SGSM2: variants seen among roughly 807,000 people sequenced by gnomAD.
SGSM2 encodes small G protein signaling modulator 2.
SGSM2 carries 89 observed loss-of-function variants against 126.6 expected under a neutral mutation model. That is an observed-to-expected ratio of 0.70 (90% CI 0.59 to 0.84). The LOEUF is 0.84. SGSM2 is among the 40% of genes least tolerant of loss of function. The pLI is 0.00. For synonymous variants in SGSM2, 614 were observed against 574.3 expected (o/e 1.07, Z -0.99); for missense variants, 1,404 against 1,416.6 (o/e 0.99, Z 0.14).
At chr17:2,338,701 G>A (rs1236649663) in intron 1 of SGSM2, among the ~76,000 whole-genome samples, 1 of 151,176 alleles carries the variant, frequency 6.6e-6, no homozygotes, top group Non-Finnish European at 1.5e-5. Context: ...GAGGCCTGGT[G>A]TTTGGAAAGC....
At chr17:2,374,705 T>C (rs2066044698) in intron 17 of SGSM2, 1 of 152,284 alleles carries the variant, frequency 6.6e-6, no homozygotes, top group African/African-American at 2.4e-5. Flanking sequence ...TGTAAAAATC[T>C]GTCTGTGCCA....
At chr17:2,375,964 C>T (rs535789844) in intron 18 of SGSM2, 89 bp downstream of exon 18, 2 of 1,509,468 alleles carry the variant, frequency 1.3e-6, no homozygotes, top group Admixed American at 2.1e-5. Context: ...GGGTGGAAGG[C>T]GGGGCGCCCT....
At position 2,373,068 on chromosome 17, in the gene SGSM2, A is replaced by G. The variant is rs914661361; in HGVS notation, c.1904A>G (p.Lys635Arg). The G allele has an allele frequency of 1.9e-6, 3 of 1,609,946 alleles. No individual in the cohort carries two copies. Among genetic ancestry groups the G allele is most frequent in the African/African-American group, 2.7e-5 (2 of 74,304 alleles). Reference sequence around the variant, plus strand: ...CACTACAAGTTCGGCATGAGCAAGAAGGAGATGGAGCAGGTGAGGGGAGCC... The same window carrying G: ...CACTACAAGTTCGGCATGAGCAAGAGGGAGATGGAGCAGGTGAGGGGAGCC... ...LGHYKFGMSK[K>R]EMEQVDAVVA... is the part of the protein sequence containing the mutation. The change falls in exon 16 of 24, where the codon AAG becomes AGG. Residue 635 changes from lysine (K) to arginine (R), a missense_variant. By Grantham distance (26) the Lys-to-Arg change is conservative. Transcript: ENST00000268989.
At chr17:2,354,340 G>A (rs1009078106) in intron 2 of SGSM2, among the ~76,000 whole-genome samples, 2 of 152,038 alleles carry the variant, frequency 1.3e-5, no homozygotes, top group Non-Finnish European at 2.9e-5. Context: ...GAGCCACCGC[G>A]CCCAGCCAAG....
In SGSM2 at chr17:2,364,960, C is replaced by G; in HGVS notation, c.1064C>G (p.Pro355Arg). 1 of 1,613,554 alleles carries G rather than the reference C, an allele frequency of 6.2e-7. No individual in the cohort carries two copies. Among genetic ancestry groups the G allele is most frequent in the Non-Finnish European group, 8.5e-7 (1 of 1,180,026 alleles). ...ATCCAGAGGCCGCCGCTGCATTTCCCACAGGGAGGACACCTGCTGTCCTTT... is the reference window on the plus strand; with the variant it reads ...ATCCAGAGGCCGCCGCTGCATTTCCGACAGGGAGGACACCTGCTGTCCTTT... ...DGIQRPPLHF[P>R]QGGHLLSFLS... Residue 355 changes from proline to arginine, a missense_variant, in exon 10 of 24, where the codon CCA becomes CGA. By Grantham distance (103) the Pro-to-Arg change is moderately radical (BLOSUM62 -2). Coordinates refer to ENST00000268989, the MANE Select transcript of SGSM2 (RefSeq NM_014853.3).
chr17:2,354,700 G>C (rs933635488), intron 2 of SGSM2, among the ~76,000 whole-genome samples: 1 of 152,196 alleles, frequency 6.6e-6, no homozygotes, highest in Non-Finnish European at 1.5e-5. Context: ...GCGTCTATAC[G>C]GGTTGCAGCA....
chr17:2,377,901 C>T lies in SGSM2; in HGVS notation c.2847C>T (p.Asp949=). ...TTGAGCTGATGCATCAGAATGGAGA[C>T]TACACCCACTTCTACTTCTGTTATC... ...ELFELMHQNG[D]YTHFYFCYRW... Residue 949 remains aspartate, a synonymous_variant, in exon 22 of 24, where the codon GAC becomes GAT. Coordinates refer to ENST00000268989, the MANE Select transcript of SGSM2 (RefSeq NM_014853.3). The T allele has an allele frequency of 6.2e-7, 1 of 1,613,428 alleles. No individual in the cohort carries two copies. Among genetic ancestry groups the T allele is most frequent in the Non-Finnish European group, 8.5e-7 (1 of 1,179,426 alleles).
At position 2,380,892 on chromosome 17, in the gene SGSM2, C is replaced by T. The variant is rs1316721985; in HGVS notation, c.*1372C>T. On this transcript the variant is annotated 3_prime_UTR_variant, in exon 24 of 24. Coordinates refer to ENST00000268989, the MANE Select transcript of SGSM2 (RefSeq NM_014853.3). ...CTGGGGGCCAGACCACCCCATTGTC[C>T]ATCCTTGTTGTCCGTGAGTCCTTGG... 6.3e-6 allele frequency: 1 copy of T among 158,682 alleles called. No individual in the cohort carries two copies. Among genetic ancestry groups the T allele is most frequent in the African/African-American group, 2.4e-5 (1 of 41,518 alleles). The allele number at this position is 158,682 out of a possible 1,614,324, so 9.8% of individuals were successfully genotyped here. A position where few individuals can be genotyped will look rare whatever the true frequency, so the allele number is the denominator to read the frequency against.
rs2065331879 is a variant in SGSM2 at position 2,362,046 on chromosome 17, T to G, written c.297-63T>G. ...TTGGGGTACCAAGCCCCACTCCCAA[T>G]GCCAGCATTCTGGGGTTTACCCCTA... On this transcript the variant is annotated intron_variant, in intron 3 of 23. Transcript: ENST00000268989. The surrounding 1 kb of genome is among the most constrained non-coding windows in gnomAD (Gnocchi z 4.9). 1 of 1,546,640 alleles carries G rather than the reference T, an allele frequency of 6.5e-7. No homozygotes were observed. Among genetic ancestry groups the G allele is most frequent in the Non-Finnish European group, 8.7e-7 (1 of 1,150,236 alleles).
Position 2,365,011 on chromosome 17 carries a change from T to C in SGSM2, c.1115T>C (p.Leu372Pro). The C allele has an allele frequency of 6.2e-7, 1 of 1,613,694 alleles. No individual in the cohort carries two copies. The highest frequency in any genetic ancestry group is 8.5e-7 in the Non-Finnish European group (1 of 1,179,976). ...SFLSCLENGL[L>P]PRGQLEPPLW... ...CTGTCCTGTCTGGAGAATGGGCTGC[T>C]GCCTCGGGGACAGCTAGAGCCCCCG... Residue 372 changes from leucine (L) to proline (P), a missense_variant, in exon 10 of 24, where the codon CTG becomes CCG. Coordinates refer to ENST00000268989, the MANE Select transcript of SGSM2 (RefSeq NM_014853.3).
intron 2 of SGSM2, among the ~76,000 whole-genome samples, chr17:2,349,788 G>A (rs1008608428): frequency 2.0e-5 from 3 of 147,586 alleles, no homozygotes; most frequent in Admixed American, 2.0e-4. Context: ...CTAGTGAAAT[G>A]TTTTGTTTTT....
At position 2,367,440 on chromosome 17, in the gene SGSM2, C is replaced by T; in HGVS notation, c.1423+35C>T. 7 of 1,567,958 alleles carry T rather than the reference C, an allele frequency of 4.5e-6. No individual in the cohort carries two copies. Among genetic ancestry groups the T allele is most frequent in the Non-Finnish European group, 6.1e-6 (7 of 1,149,230 alleles). ...CCTCCCTCTCCCTGACCCACCTCAT[C>T]CCCACCCTCCCTCCCGGGCCCGCCT... On this transcript the variant is annotated intron_variant, in intron 12 of 23. Coordinates refer to ENST00000268989, the MANE Select transcript of SGSM2 (RefSeq NM_014853.3). The surrounding 1 kb of genome is among the most constrained non-coding windows in gnomAD (Gnocchi z 4.0).
Position 2,363,798 on chromosome 17 carries a change from C to G in SGSM2, c.807+199C>G, listed in dbSNP as rs1050317708. On this transcript the variant is annotated intron_variant, in intron 7 of 23. Transcript: ENST00000268989. The surrounding 1 kb of genome is among the most constrained non-coding windows in gnomAD (Gnocchi z 4.2). ...GGGGACAGGAATGGCAGCCAGCAGG[C>G]GAGGGGAGTCCGCAGTGTGGGTATG... 5.7e-6 allele frequency: 5 copies of G among 881,460 alleles called. No individual in the cohort carries two copies. In the Admixed American group the frequency reaches 1.4e-4, roughly 24 times the overall value. 54.6% of individuals were successfully genotyped at this position (881,460 alleles called of 1,614,324 possible). A position where few individuals can be genotyped will look rare whatever the true frequency, so the allele number is the denominator to read the frequency against.
Position 2,375,473 on chromosome 17 carries a change from C to A in SGSM2, c.2101-19C>A. On this transcript the variant is annotated intron_variant, in intron 17 of 23. Coordinates refer to ENST00000268989, the MANE Select transcript of SGSM2 (RefSeq NM_014853.3). ...AGGTGCTGGAGTGCAGGTGGAGCCG[C>A]CCTGTGTTCACCCCCCAGGTGTTTA... is the stretch of plus-strand genomic sequence containing the variant. 6.3e-7 allele frequency: 1 copy of A among 1,589,696 alleles called. No homozygotes were observed. Among genetic ancestry groups the A allele is most frequent in the Non-Finnish European group, 8.6e-7 (1 of 1,165,446 alleles).
Position 2,363,677 on chromosome 17 carries a change from C to T in SGSM2, c.807+78C>T. On this transcript the variant is annotated intron_variant, in intron 7 of 23. Transcript: ENST00000268989. This position sits in a 1 kb window ranked among gnomAD's most constrained non-coding sequence, Gnocchi z 4.2. ...CTGGAAGCCTCTAGCCATGGCTATT[C>T]CTTTCCTGAGGAGCTTGACCAGAGA... 1 of 1,565,484 alleles carries T rather than the reference C, an allele frequency of 6.4e-7. No individual in the cohort carries two copies.
intron 12 of SGSM2, 75 bp from the exon 13 acceptor site, chr17:2,371,185 CAG>C: frequency 6.8e-7 from 1 of 1,463,314 alleles, no homozygotes. Flanking sequence ...GCTCTGGGCA[CAG>C]AGGTGGGCAT....
Position 2,372,195 on chromosome 17 carries a change from C to A in SGSM2, c.1583C>A (p.Pro528Gln). ...SHCSCIPDRL[P>Q]LRLLCESMKR... Reference sequence around the variant, plus strand: ...GAGCCCGGTTGTTGCCACAGGTTGCCGCTCAGGCTACTGTGTGAGAGTATG... The same window carrying A: ...GAGCCCGGTTGTTGCCACAGGTTGCAGCTCAGGCTACTGTGTGAGAGTATG... The change falls in exon 14 of 24, where the codon CCG (proline) becomes CAG (glutamine). Residue 528 changes from proline (P) to glutamine (Q), a missense_variant. Pro to Gln is a moderately conservative substitution (Grantham distance 76). Transcript: ENST00000268989. The surrounding 1 kb of genome is among the most constrained non-coding windows in gnomAD (Gnocchi z 6.0). 5 of 1,613,310 alleles carry A rather than the reference C, an allele frequency of 3.1e-6. No individual in the cohort carries two copies. The highest frequency in any genetic ancestry group is 4.2e-6 in the Non-Finnish European group (5 of 1,179,798).
At chr17:2,377,543 T>C in intron 21 of SGSM2, 1 of 242,234 alleles carries the variant, frequency 4.1e-6, no homozygotes, top group South Asian at 6.9e-5. Flanking sequence ...TGTGTGTGTG[T>C]GTGAATGCTC....
Position 2,363,712 on chromosome 17 carries a change from G to A in SGSM2, c.807+113G>A. On this transcript the variant is annotated intron_variant, in intron 7 of 23. Transcript: ENST00000268989. This position sits in a 1 kb window ranked among gnomAD's most constrained non-coding sequence, Gnocchi z 4.2. ...GGAGCTTGACCAGAGACGGGGGGGA[G>A]AATGGCCCCAGCCTCCCAACTCCCT... 2 of 1,429,126 alleles carry A rather than the reference G, an allele frequency of 1.4e-6. No homozygotes were observed. The highest frequency in any genetic ancestry group is 1.4e-5 in the South Asian group (1 of 73,394). 88.5% of individuals were successfully genotyped at this position (1,429,126 alleles called of 1,614,324 possible). A position where few individuals can be genotyped will look rare whatever the true frequency, so the allele number is the denominator to read the frequency against.
Sources: allele counts gnomAD v4.1 joint callset (sites outside exome capture counted in the v4.1 genomes callset), GRCh38; gene constraint gnomAD v4.1.1; non-coding constraint Gnocchi (gnomAD v3.1); transcripts MANE v1.5; gene names NCBI Gene and HGNC (gene_info 2026-07-23, HGNC 2026-07-21).